Variants in SCN9A observed in about 807,000 individuals in gnomAD.
SCN9A encodes sodium channel protein type 9 subunit alpha.
SCN9A carries 131 observed loss-of-function variants against 187.0 expected under a neutral mutation model. The ratio of observed to expected loss-of-function variants is 0.70; its 90% CI spans 0.61 to 0.81. The LOEUF (loss-of-function observed/expected upper bound fraction) is 0.81. Among genes scored for constraint, SCN9A ranks in the 30% least tolerant of loss-of-function variants. The pLI, the probability that SCN9A is intolerant of heterozygous loss-of-function variation, is 0.00. For missense variants in SCN9A, 2,252 were observed against 2,396.6 expected, an observed-to-expected ratio of 0.94 and a Z score of 1.26; for synonymous variants, 809 against 808.6, an observed-to-expected ratio of 1.00 and a Z score of -0.01.
At chr2:166,219,400 C>T (rs987131070) in intron 24 of SCN9A, among the ~76,000 whole-genome samples, 18 of 151,098 alleles carry the variant, frequency 1.2e-4, no homozygotes, top group Admixed American at 2.6e-4. Context: ...CAAAAAAAAA[C>T]GAGATCATAT....
At chr2:166,245,173 T>C (rs1351722570) in intron 18 of SCN9A, among the ~76,000 whole-genome samples, 3 of 152,016 alleles carry the variant, frequency 2.0e-5, no homozygotes, top group Admixed American at 1.3e-4. Flanking sequence ...ATAGGTTGCC[T>C]ATACATGCAA....
intron 1 of SCN9A, among the ~76,000 whole-genome samples, chr2:166,333,370 T>C (rs1699553047): frequency 6.6e-6 from 1 of 152,120 alleles, no homozygotes; most frequent in Non-Finnish European, 1.5e-5. Flanking sequence ...TTTTGCAGAG[T>C]TGACTTATAA....
At chr2:166,230,835 G>A (rs1025052871) in intron 21 of SCN9A, among the ~76,000 whole-genome samples, 9 of 152,080 alleles carry the variant, frequency 5.9e-5, no homozygotes, top group Non-Finnish European at 1.3e-4. Context: ...TAAAAAATGT[G>A]AGTAATGATG....
In SCN9A at chr2:166,280,378, A is replaced by G; in HGVS notation, c.2322T>C (p.Asn774=). Residue 774 remains asparagine (N), a synonymous_variant, in exon 14 of 27, where the codon AAT becomes AAC. Coordinates refer to ENST00000642356, the MANE Select transcript of SCN9A (RefSeq NM_001365536.1). ...EHHPMTEEFK[N]VLAIGNLVFT... ...TTACCAAATTTCCTATAGCAAGTAC[A>G]TTTTTGAATTCCTCAGTCATTGGGT... is the stretch of plus-strand genomic sequence containing the variant. The G allele has an allele frequency of 5.1e-6, 8 of 1,577,298 alleles. No homozygotes were observed. Among genetic ancestry groups the G allele is most frequent in the Non-Finnish European group, 6.0e-6 (7 of 1,158,308 alleles).
At chr2:166,366,219 A>T (rs1288907735) in intron 1 of SCN9A, among the ~76,000 whole-genome samples, 1 of 152,170 alleles carries the variant, frequency 6.6e-6, no homozygotes, top group Non-Finnish European at 1.5e-5. Context: ...TTCAGCTTTA[A>T]CTTTGTTTTT....
At chr2:166,199,923 G>T (rs1448715755) in intron 26 of SCN9A, 59 bp from the exon 27 acceptor site, 7 of 1,181,404 alleles carry the variant, frequency 5.9e-6, no homozygotes, top group Non-Finnish European at 8.3e-6. Flanking sequence ...TACCTGAAAT[G>T]ATGACTCTAA....
intron 21 of SCN9A, among the ~76,000 whole-genome samples, chr2:166,230,542 C>T (rs75254863): frequency 0.021 from 3,160 of 152,272 alleles, 121 homozygotes; most frequent in African/African-American, 0.073. Context: ...CTGTGCCTCC[C>T]TACCATGTGG....
At chr2:166,293,127 C>T in intron 9 of SCN9A, 104 bp downstream of exon 9, 1 of 963,528 alleles carries the variant, frequency 1.0e-6, no homozygotes, top group Non-Finnish European at 1.5e-6. Flanking sequence ...AATAGAGTTT[C>T]CTCCATTCTC....
chr2:166,349,973 A>C (rs1187920236), intron 1 of SCN9A, among the ~76,000 whole-genome samples: 2 of 138,512 alleles, frequency 1.4e-5, no homozygotes, highest in African/African-American at 5.7e-5. Flanking sequence ...ACTCCCTCTC[A>C]CAAAAAAAAT....
intron 1 of SCN9A, among the ~76,000 whole-genome samples, chr2:166,341,619 A>G (rs1332215095): frequency 1.3e-5 from 2 of 152,360 alleles, no homozygotes; most frequent in East Asian, 3.9e-4. Context: ...CTGGAAACAA[A>G]CTACAGCTGC....
At chr2:166,373,490 C>T (rs1307335258) in intron 1 of SCN9A, among the ~76,000 whole-genome samples, 2 of 151,736 alleles carry the variant, frequency 1.3e-5, no homozygotes, top group Non-Finnish European at 2.9e-5. Flanking sequence ...AATTTGGTGG[C>T]CGTGTAGATA....
At chr2:166,327,062 G>T (rs1234704262) in intron 1 of SCN9A, among the ~76,000 whole-genome samples, 1 of 152,118 alleles carries the variant, frequency 6.6e-6, no homozygotes. Context: ...GTCTTATTTT[G>T]ATAAAAATAA....
intron 2 of SCN9A, among the ~76,000 whole-genome samples, chr2:166,310,278 G>A (rs1698899995): frequency 1.2e-5 from 1 of 83,278 alleles, no homozygotes; most frequent in Non-Finnish European, 2.5e-5. Context: ...AAGAGCTTCT[G>A]CACAGCAAAA....
chr2:166,314,662 T>C (rs1699064175), intron 1 of SCN9A, among the ~76,000 whole-genome samples: 1 of 152,202 alleles, frequency 6.6e-6, no homozygotes, highest in Non-Finnish European at 1.5e-5. Flanking sequence ...TGTTACAACA[T>C]GGATGTGATG....
intron 1 of SCN9A, among the ~76,000 whole-genome samples, chr2:166,327,509 C>T (rs992706425): frequency 6.6e-6 from 1 of 151,976 alleles, no homozygotes; most frequent in African/African-American, 2.4e-5. Context: ...TTACTCTTCC[C>T]CTAGTCTAGA....
At chr2:166,362,300 T>C (rs1488604070) in intron 1 of SCN9A, among the ~76,000 whole-genome samples, 1 of 152,022 alleles carries the variant, frequency 6.6e-6, no homozygotes. Flanking sequence ...TGCTCTCTCT[T>C]GGAACTAAAG....
chr2:166,304,936 A>G (rs1217273489), intron 5 of SCN9A, among the ~76,000 whole-genome samples: 1 of 152,232 alleles, frequency 6.6e-6, no homozygotes, highest in East Asian at 1.9e-4. Flanking sequence ...ACCAATAGGA[A>G]AAAAAGGAGA....
chr2:166,222,972 ACAGCAACAAAAAACCGT>A (rs1694685441), intron 24 of SCN9A, among the ~76,000 whole-genome samples: 13 of 133,316 alleles, frequency 9.8e-5, no homozygotes, highest in South Asian at 4.9e-4. Context: ...AAAAAAAAAA[ACAGCAACAAAAAACCGT>A]AAAGAGATAT....
chr2:166,199,124 G>T lies in SCN9A; in HGVS notation c.5515C>A (p.Leu1839Ile), dbSNP rs1693350502. ...TTTGTAAAAGCAAATAAGATGTCAA[G>T]ACAATGGATCCGGTCACCACTAACC... ...PMVSGDRIHC[L>I]DILFAFTKRV... Residue 1839 changes from leucine to isoleucine, a missense_variant, in exon 27 of 27, where the codon CTT (leucine) becomes ATT (isoleucine). Leu to Ile is a conservative substitution (Grantham distance 5). Coordinates refer to ENST00000642356, the MANE Select transcript of SCN9A (RefSeq NM_001365536.1). The T allele has an allele frequency of 1.2e-6, 2 of 1,614,166 alleles. No individual in the cohort carries two copies. Among genetic ancestry groups the T allele is most frequent in the Non-Finnish European group, 1.7e-6 (2 of 1,180,036 alleles).
Sources: allele counts gnomAD v4.1 joint callset (sites outside exome capture counted in the v4.1 genomes callset), GRCh38; gene constraint gnomAD v4.1.1; transcripts MANE v1.5; gene names NCBI Gene and HGNC (gene_info 2026-07-23, HGNC 2026-07-21).